Variants in CSTF3 observed in about 807,000 individuals in gnomAD.
CSTF3 encodes the protein CF-1 77 kDa subunit.
In CSTF3, 29 loss-of-function variants were observed where a neutral mutation model predicts 105.8. That is an observed-to-expected ratio of 0.27 (90% CI 0.20 to 0.37). CSTF3 has a LOEUF of 0.37. Ranked by LOEUF, CSTF3 falls within the 10% of genes least tolerant of loss-of-function variation. The pLI is 1.00. For missense variants in CSTF3, 357 were observed against 879.3 expected (o/e 0.41, Z 7.51); for synonymous variants, 252 against 281.9 (o/e 0.89, Z 1.06).
chr11:33,112,181 GA>G (rs999389258), intron 3 of CSTF3, among the ~76,000 whole-genome samples: 9 of 152,132 alleles, frequency 5.9e-5, no homozygotes, highest in African/African-American at 2.2e-4. Context: ...TTGAACCCAG[GA>G]AGTGGATGTT....
chr11:33,107,729 T>C (rs567094331), intron 5 of CSTF3, among the ~76,000 whole-genome samples, 174 bp downstream of exon 5: 10 of 152,272 alleles, frequency 6.6e-5, no homozygotes, highest in South Asian at 4.1e-4. Context: ...GTAAGACTCA[T>C]GCCAGTGACT....
chr11:33,087,835 A>C (rs528974000), intron 17 of CSTF3, among the ~76,000 whole-genome samples: 4 of 152,210 alleles, frequency 2.6e-5, no homozygotes, highest in Admixed American at 2.6e-4. Flanking sequence ...TCTGACCTCA[A>C]ATCCATCCAC....
chr11:33,117,916 C>T (rs1208441234), intron 3 of CSTF3, among the ~76,000 whole-genome samples: 1 of 151,802 alleles, frequency 6.6e-6, no homozygotes, highest in Non-Finnish European at 1.5e-5. Flanking sequence ...AAGAAATGCA[C>T]ACAATAACTG....
chr11:33,092,364 A>AT (rs113144162), intron 15 of CSTF3, 24 bp from the exon 16 acceptor site: 908,475 of 1,404,834 alleles, frequency 0.65, 304,025 homozygotes, highest in Non-Finnish European at 0.68. Context: ...AAAGATTTTA[A>AT]TTTTTTTAAT....
chr11:33,142,906 T>C (rs779256026), intron 1 of CSTF3, among the ~76,000 whole-genome samples: 1 of 152,208 alleles, frequency 6.6e-6, no homozygotes, highest in Admixed American at 6.5e-5. Context: ...TTCCACTGTA[T>C]GCCCGTGAGA....
chr11:33,120,581 G>A (rs1855476116), intron 3 of CSTF3, among the ~76,000 whole-genome samples: 1 of 151,778 alleles, frequency 6.6e-6, no homozygotes. Flanking sequence ...TAGGTTAAGT[G>A]TATTTTCTCA....
intron 17 of CSTF3, among the ~76,000 whole-genome samples, chr11:33,088,102 C>G (rs1051584408): frequency 6.6e-6 from 1 of 152,154 alleles, no homozygotes; most frequent in Admixed American, 6.5e-5. Flanking sequence ...ATAAGCAAAT[C>G]TAAATGGTAG....
intron 1 of CSTF3, among the ~76,000 whole-genome samples, chr11:33,155,442 A>G (rs532356621): frequency 6.6e-6 from 1 of 152,146 alleles, no homozygotes; most frequent in African/African-American, 2.4e-5. Context: ...TATATTTACC[A>G]TTATCTGCTT....
chr11:33,153,729 A>G (rs1355727784), intron 1 of CSTF3, among the ~76,000 whole-genome samples: 1 of 149,610 alleles, frequency 6.7e-6, no homozygotes, highest in Non-Finnish European at 1.5e-5. Context: ...AAAAAAAAAG[A>G]TAATTCTCTT....
chr11:33,129,840 G>A (rs1243878472), intron 3 of CSTF3, among the ~76,000 whole-genome samples: 1 of 152,154 alleles, frequency 6.6e-6, no homozygotes, highest in African/African-American at 2.4e-5. Context: ...GCTTAGAATT[G>A]CAAACTGTTT....
intron 3 of CSTF3, 43 bp downstream of exon 3, chr11:33,141,624 T>C (rs746587851): frequency 1.3e-6 from 2 of 1,569,392 alleles, no homozygotes; most frequent in Non-Finnish European, 1.7e-6. Flanking sequence ...CTACAGTGAA[T>C]GCTGCAATAC....
chr11:33,148,611 G>A (rs769023373), intron 1 of CSTF3, among the ~76,000 whole-genome samples: 2 of 151,764 alleles, frequency 1.3e-5, no homozygotes, highest in African/African-American at 2.4e-5. Context: ...TGGGAGAAAC[G>A]CTTGAACCTG....
chr11:33,120,672 G>A (rs1286242618), intron 3 of CSTF3, among the ~76,000 whole-genome samples: 7 of 151,878 alleles, frequency 4.6e-5, no homozygotes, highest in African/African-American at 1.7e-4. Context: ...AAGGCATAAC[G>A]TTTTTTATTT....
At chr11:33,114,497 C>T (rs192426683) in intron 3 of CSTF3, among the ~76,000 whole-genome samples, 26 of 152,132 alleles carry the variant, frequency 1.7e-4, no homozygotes, top group Non-Finnish European at 7.4e-5. Context: ...TTAAAAAGTA[C>T]GCTGTTTTTA....
At chr11:33,134,405 C>G (rs1293741101) in intron 3 of CSTF3, 1 of 152,072 alleles carries the variant, frequency 6.6e-6, no homozygotes, top group Admixed American at 6.5e-5. Flanking sequence ...ACGGGAAGCA[C>G]AAAACCTTCA....
intron 14 of CSTF3, 106 bp from the exon 15 acceptor site, chr11:33,096,514 AAAAC>A: frequency 1.4e-6 from 1 of 732,672 alleles, no homozygotes; most frequent in Non-Finnish European, 2.2e-6. Context: ...TGTAAGAATT[AAAAC>A]AAATTAAAAT....
chr11:33,118,814 G>A (rs2133785457), intron 3 of CSTF3, among the ~76,000 whole-genome samples: 1 of 150,018 alleles, frequency 6.7e-6, no homozygotes, highest in Admixed American at 6.6e-5. Context: ...CAAGTAGATT[G>A]CTGATTTGCT....
chr11:33,106,158 C>T, intron 5 of CSTF3, 94 bp from the exon 6 acceptor site: 3 of 931,040 alleles, frequency 3.2e-6, no homozygotes, highest in Admixed American at 2.0e-5. Flanking sequence ...GCCTGTAATC[C>T]CACTGCTTTG....
chr11:33,151,930 T>G (rs1215340257), intron 1 of CSTF3, among the ~76,000 whole-genome samples: 1 of 152,242 alleles, frequency 6.6e-6, no homozygotes, highest in African/African-American at 2.4e-5. Context: ...GATTTACATT[T>G]CTCTGATGGC....
Sources: gnomAD v4.1 joint callset for allele counts (sites outside exome capture counted in the v4.1 genomes callset) on GRCh38, gnomAD v4.1.1 for gene constraint, MANE v1.5 for transcripts, NCBI Gene and HGNC (gene_info 2026-07-23, HGNC 2026-07-21) for gene names.